YPEL2: variants seen among roughly 807,000 people sequenced by gnomAD.
YPEL2 encodes the protein yippee like 2.
A neutral mutation model predicts 19.1 loss-of-function variants in YPEL2; 2 were observed. The observed-to-expected ratio is 0.10, with a 90% CI of 0.04 to 0.33. YPEL2 has a LOEUF of 0.33. Among genes scored for constraint, YPEL2 ranks in the 10% least tolerant of loss-of-function variants. YPEL2 has a pLI of 1.00. For missense variants in YPEL2, 66 were observed against 140.7 expected (o/e 0.47, Z 2.68); for synonymous variants, 52 against 50.0 (o/e 1.04, Z -0.17).
chr17:59,358,552 G>A (rs1028347655), intron 2 of YPEL2, among the ~76,000 whole-genome samples: 2 of 151,904 alleles, frequency 1.3e-5, no homozygotes, highest in Non-Finnish European at 2.9e-5. Flanking sequence ...GTCAGGGCAG[G>A]TAGAGTTTCT....
At chr17:59,336,892 G>C (rs1598022306) in intron 1 of YPEL2, among the ~76,000 whole-genome samples, 1 of 152,202 alleles carries the variant, frequency 6.6e-6, no homozygotes, top group Non-Finnish European at 1.5e-5. Flanking sequence ...ACACCCACCT[G>C]GAAGAAGTAA....
chr17:59,333,137 A>G (rs2047680523), intron 1 of YPEL2, among the ~76,000 whole-genome samples: 1 of 152,202 alleles, frequency 6.6e-6, no homozygotes, highest in Admixed American at 6.5e-5. Context: ...AGGGCCTATG[A>G]ATGGCTGAGT....
intron 4 of YPEL2, among the ~76,000 whole-genome samples, chr17:59,391,716 A>G (rs1190693903): frequency 2.0e-5 from 3 of 152,094 alleles, no homozygotes; most frequent in Non-Finnish European, 4.4e-5. Flanking sequence ...TGGCCAACAT[A>G]TAGTGAAACT....
intron 2 of YPEL2, among the ~76,000 whole-genome samples, chr17:59,364,537 T>C (rs1019500543): frequency 6.6e-6 from 1 of 152,060 alleles, no homozygotes; most frequent in African/African-American, 2.4e-5. Flanking sequence ...ACATAGCAGC[T>C]CGTGGTATAA....
intron 1 of YPEL2, among the ~76,000 whole-genome samples, chr17:59,339,463 A>G (rs1340420562): frequency 1.3e-5 from 2 of 152,200 alleles, no homozygotes; most frequent in Non-Finnish European, 2.9e-5. Context: ...CTTCTGGCTC[A>G]GGTTATTCCC....
At chr17:59,352,559 T>TAA (rs1266058861) in intron 1 of YPEL2, among the ~76,000 whole-genome samples, 1 of 152,174 alleles carries the variant, frequency 6.6e-6, no homozygotes, top group East Asian at 1.9e-4. Flanking sequence ...TCATTTGGTT[T>TAA]AAAAAAATGT....
intron 2 of YPEL2, among the ~76,000 whole-genome samples, chr17:59,382,387 C>A (rs1385264764): frequency 6.9e-6 from 1 of 145,450 alleles, no homozygotes; most frequent in Non-Finnish European, 1.5e-5. Context: ...TCCACCCCGC[C>A]TCTCTCTAGG....
At position 59,353,132 on chromosome 17, in the gene YPEL2, A is replaced by G; in HGVS notation, c.-195-83A>G. 3.4e-6 allele frequency: 1 copy of G among 291,484 alleles called. No homozygotes were observed. The highest frequency in any genetic ancestry group is 6.4e-6 in the Non-Finnish European group (1 of 155,750). 18.1% of individuals were successfully genotyped at this position (291,484 alleles called of 1,614,324 possible). ...TGATCCTGTCAGTGTTGCCTTCTTC[A>G]TGGGTGGCAGTTGGATTCTGCTTGC... On this transcript the variant is annotated intron_variant, in intron 1 of 4. Transcript: ENST00000312655. The surrounding 1 kb of genome is among the most constrained non-coding windows in gnomAD (Gnocchi z 4.8).
chr17:59,382,815 G>GT (rs1203037880), intron 2 of YPEL2, among the ~76,000 whole-genome samples: 11 of 152,258 alleles, frequency 7.2e-5, no homozygotes, highest in Middle Eastern at 6.8e-3. Context: ...TTGGTTTTGG[G>GT]TTTTTTCTGT....
At chr17:59,339,517 G>A (rs916287186) in intron 1 of YPEL2, among the ~76,000 whole-genome samples, 2 of 152,156 alleles carry the variant, frequency 1.3e-5, no homozygotes, top group Admixed American at 6.5e-5. Flanking sequence ...TAATGTTGAA[G>A]CATTGAGCTG....
chr17:59,386,759 G>A (rs936253878), intron 2 of YPEL2, among the ~76,000 whole-genome samples: 2 of 152,176 alleles, frequency 1.3e-5, no homozygotes, highest in African/African-American at 4.8e-5. Context: ...GACACTCATA[G>A]CTGCTCAGTT....
chr17:59,338,986 T>C (rs2047713409), intron 1 of YPEL2, among the ~76,000 whole-genome samples: 1 of 152,240 alleles, frequency 6.6e-6, no homozygotes, highest in African/African-American at 2.4e-5. Context: ...GAGGTCGTGC[T>C]TGATCCCTCT....
intron 1 of YPEL2, among the ~76,000 whole-genome samples, chr17:59,343,670 G>A (rs969844238): frequency 1.2e-4 from 19 of 152,260 alleles, no homozygotes; most frequent in Middle Eastern, 3.4e-3. Flanking sequence ...TAGGAAACAG[G>A]TTTGGAGTAG....
At position 59,399,371 on chromosome 17, in the gene YPEL2, T is replaced by C. The variant is rs1390482149; in HGVS notation, c.*2181T>C. 6.6e-6 allele frequency: 1 copy of C among 152,076 alleles called. No individual in the cohort carries two copies. The highest frequency in any genetic ancestry group is 2.4e-5 in the African/African-American group (1 of 41,418). The allele number at this position is 152,076 out of a possible 1,614,324, so 9.4% of individuals were successfully genotyped here. On this transcript the variant is annotated 3_prime_UTR_variant, in exon 5 of 5. Coordinates refer to ENST00000312655, the MANE Select transcript of YPEL2 (RefSeq NM_001005404.4). ...TGGGGTTAAACATGGGGTAGGTATT[T>C]TGTCTTTCAAACTACAAATGGAATG...
intron 2 of YPEL2, among the ~76,000 whole-genome samples, chr17:59,377,075 A>G (rs1342364725): frequency 6.6e-6 from 1 of 150,996 alleles, no homozygotes; most frequent in Non-Finnish European, 1.5e-5. Flanking sequence ...TTTTGCCTAG[A>G]TTGGTTACAA....
intron 1 of YPEL2, among the ~76,000 whole-genome samples, chr17:59,342,793 A>G (rs1400317818): frequency 6.6e-6 from 1 of 152,190 alleles, no homozygotes; most frequent in Non-Finnish European, 1.5e-5. Flanking sequence ...CAAGTCTGAC[A>G]CTTCATTTTT....
intron 1 of YPEL2, among the ~76,000 whole-genome samples, chr17:59,343,347 G>A (rs142142883): frequency 6.6e-6 from 1 of 152,108 alleles, no homozygotes; most frequent in Non-Finnish European, 1.5e-5. Flanking sequence ...TGTGAGTCCT[G>A]TAGACACTAC....
chr17:59,361,342 T>C (rs1441921934), intron 2 of YPEL2, among the ~76,000 whole-genome samples: 1 of 152,208 alleles, frequency 6.6e-6, no homozygotes, highest in Non-Finnish European at 1.5e-5. Flanking sequence ...CTAGATATTA[T>C]AATACTACTC....
chr17:59,383,348 C>G (rs1299827980), intron 2 of YPEL2, among the ~76,000 whole-genome samples: 1 of 151,256 alleles, frequency 6.6e-6, no homozygotes, highest in African/African-American at 2.4e-5. Context: ...CCTGTAATCG[C>G]AGCACTTTGG....
Sources: gnomAD v4.1 joint callset for allele counts (sites outside exome capture counted in the v4.1 genomes callset) on GRCh38, gnomAD v4.1.1 for gene constraint, Gnocchi (gnomAD v3.1) non-coding constraint, MANE v1.5 for transcripts, NCBI Gene and HGNC (gene_info 2026-07-23, HGNC 2026-07-21) for gene names.